Variants in NHEJ1 observed in about 807,000 individuals in gnomAD.
NHEJ1 encodes the protein non-homologous end joining factor 1, also known as non-homologous end-joining factor 1.
In NHEJ1, 22 loss-of-function variants were observed where a neutral mutation model predicts 39.4. The ratio of observed to expected loss-of-function variants is 0.56; its 90% CI spans 0.40 to 0.80. The LOEUF is 0.80. Ranked by LOEUF, NHEJ1 falls within the 30% of genes least tolerant of loss-of-function variation. The pLI is 0.00. For synonymous variants in NHEJ1, 154 were observed against 135.6 expected, an observed-to-expected ratio of 1.14 and a Z score of -0.94; for missense variants, 329 against 357.1, an observed-to-expected ratio of 0.92 and a Z score of 0.63.
At chr2:219,077,385 A>G in intron 6 of NHEJ1, 21 bp from the exon 7 acceptor site, 1 of 1,556,390 alleles carries the variant, frequency 6.4e-7, no homozygotes, top group African/African-American at 1.4e-5. Flanking sequence ...AAAGATCAAG[A>G]GAAGATAGTG....
chr2:219,155,399 T>G (rs1949843756), intron 3 of NHEJ1, among the ~76,000 whole-genome samples: 1 of 151,946 alleles, frequency 6.6e-6, no homozygotes, highest in Admixed American at 6.5e-5. Context: ...ACCCCCCATC[T>G]CTACAAAAAA....
intron 5 of NHEJ1, among the ~76,000 whole-genome samples, chr2:219,093,261 C>T (rs889050969): frequency 2.6e-5 from 4 of 151,984 alleles, no homozygotes; most frequent in Non-Finnish European, 5.9e-5. Context: ...GCAGGCAGGG[C>T]GACTAATCAA....
In NHEJ1 at chr2:219,076,204, A is replaced by G; in HGVS notation, c.*177T>C. ...TTCTCAGAGACTGGCTTCCACTTGAACAGGGAAGGCCAATTCCCTGTGGGC... is the reference window on the plus strand; with the variant it reads ...TTCTCAGAGACTGGCTTCCACTTGAGCAGGGAAGGCCAATTCCCTGTGGGC... On this transcript the variant is annotated 3_prime_UTR_variant, in exon 8 of 8. Coordinates refer to ENST00000356853, the MANE Select transcript of NHEJ1 (RefSeq NM_024782.3). 6 of 1,399,712 alleles carry G rather than the reference A, an allele frequency of 4.3e-6. No homozygotes were observed. The highest frequency in any genetic ancestry group is 5.8e-6 in the Non-Finnish European group (6 of 1,041,388). 86.7% of individuals were successfully genotyped at this position (1,399,712 alleles called of 1,614,324 possible).
chr2:219,146,460 T>C (rs1319090667), intron 5 of NHEJ1, among the ~76,000 whole-genome samples: 2 of 152,188 alleles, frequency 1.3e-5, no homozygotes, highest in Non-Finnish European at 2.9e-5. Context: ...TTTATAAATA[T>C]CAATCAGTCC....
rs144238861 is a variant in NHEJ1 at position 219,134,104 on chromosome 2, T to A, written c.588+12576A>T. On this transcript the variant is annotated intron_variant, in intron 5 of 7. Coordinates refer to ENST00000356853, the MANE Select transcript of NHEJ1 (RefSeq NM_024782.3). ...TTGTCTCCATTGCCTTATCCATTGA[T>A]CGTTCTTTAACAGCCTGCTTTCTTC... is the stretch of plus-strand genomic sequence containing the variant. Among the ~76,000 whole-genome samples the A allele has an allele frequency of 9.8e-3, 1,487 of 152,380 alleles. 20 individuals are homozygous for A. The highest frequency in any genetic ancestry group is 0.015 in the Non-Finnish European group (1,014 of 68,036).
At chr2:219,104,627 A>C (rs1248951455) in intron 5 of NHEJ1, among the ~76,000 whole-genome samples, 1 of 152,222 alleles carries the variant, frequency 6.6e-6, no homozygotes, top group East Asian at 1.9e-4. Context: ...GTGGTAGAGA[A>C]AGAGGGATAT....
At chr2:219,155,103 C>G (rs1949840663) in intron 3 of NHEJ1, among the ~76,000 whole-genome samples, 1 of 151,506 alleles carries the variant, frequency 6.6e-6, no homozygotes, top group Admixed American at 6.6e-5. Context: ...GGAGAACTGT[C>G]TCCACAATCA....
chr2:219,076,391 A>G lies in NHEJ1; in HGVS notation c.890T>C (p.Leu297Pro). ...SKVKRKKPRG[L>P]FS Reference sequence around the variant, plus strand: ...TGAGGCCACAACAGATTAACTGAAGAGACCCCTTGGCTTCTTCCTCTTGAC... The same window carrying G: ...TGAGGCCACAACAGATTAACTGAAGGGACCCCTTGGCTTCTTCCTCTTGAC... Residue 297 changes from leucine (L) to proline (P), a missense_variant, in exon 8 of 8, where the codon CTC becomes CCC. Transcript: ENST00000356853. 1 of 1,614,156 alleles carries G rather than the reference A, an allele frequency of 6.2e-7. No individual in the cohort carries two copies. The highest frequency in any genetic ancestry group is 2.2e-5 in the East Asian group (1 of 44,884).
chr2:219,151,431 AAT>A (rs1949794155), intron 3 of NHEJ1, among the ~76,000 whole-genome samples: 1 of 152,206 alleles, frequency 6.6e-6, no homozygotes, highest in African/African-American at 2.4e-5. Context: ...TGTCTAATTA[AAT>A]ATGATAATGC....
At chr2:219,130,497 CAG>C (rs1201609518) in intron 5 of NHEJ1, among the ~76,000 whole-genome samples, 5 of 19,012 alleles carry the variant, frequency 2.6e-4, no homozygotes, top group Admixed American at 2.0e-3. Context: ...TGTAAGAAAA[CAG>C]AGCGGTAAAT....
chr2:219,088,884 C>G lies in NHEJ1; in HGVS notation c.589-10678G>C, dbSNP rs914582436. On this transcript the variant is annotated intron_variant, in intron 5 of 7. Transcript: ENST00000356853. The stretch of plus-strand genomic sequence containing the variant: ...CTGGAGTGCGGTGGCGTGATCTCAG[C>G]TCACCACAAGCTCCGCCTCCCAGGT... Among the ~76,000 whole-genome samples, 7 of 152,210 alleles carry G rather than the reference C, an allele frequency of 4.6e-5. No individual in the cohort carries two copies. The East Asian group carries it at 7.7e-4, about 17-fold the overall frequency.
chr2:219,094,394 G>C lies in NHEJ1; in HGVS notation c.589-16188C>G, dbSNP rs557383125. Among the ~76,000 whole-genome samples, 10 of 152,270 alleles carry C rather than the reference G, an allele frequency of 6.6e-5. No homozygotes were observed. In the South Asian group the frequency reaches 2.1e-3, roughly 32 times the overall value. ...GTTGTGGCTGGGTGCTGGGAGAAGG[G>C]GACTGGAAAAAGAGAGAAGTACGAA... is the stretch of plus-strand genomic sequence containing the variant. On this transcript the variant is annotated intron_variant, in intron 5 of 7. Coordinates refer to ENST00000356853, the MANE Select transcript of NHEJ1 (RefSeq NM_024782.3).
intron 5 of NHEJ1, among the ~76,000 whole-genome samples, chr2:219,128,543 A>G (rs1406864337): frequency 6.6e-6 from 1 of 152,102 alleles, no homozygotes. Flanking sequence ...CACTGACTGC[A>G]TGGGGTGAAG....
Position 219,071,617 on chromosome 2 carries a change from C to G in NHEJ1, c.*4764G>C, listed in dbSNP as rs1050950731. Among the ~76,000 whole-genome samples the G allele has an allele frequency of 6.6e-6, 1 of 152,198 alleles. No homozygotes were observed. The highest frequency in any genetic ancestry group is 6.5e-5 in the Admixed American group (1 of 15,282). ...ATTCTAACTCTGCTACTGTTTTGGG[C>G]CCCAGAGTAAGGGCAGAGAGGAAGA... is the stretch of plus-strand genomic sequence containing the variant. On this transcript the variant is annotated 3_prime_UTR_variant, in exon 8 of 8. Coordinates refer to ENST00000356853, the MANE Select transcript of NHEJ1 (RefSeq NM_024782.3).
chr2:219,158,697 C>A (rs1949881733), intron 1 of NHEJ1: 1 of 364,466 alleles, frequency 2.7e-6, no homozygotes, highest in Admixed American at 4.0e-5. Context: ...GAAACCTAAA[C>A]CCTTCTTGTT....
At chr2:219,119,998 C>T (rs1949456219) in intron 5 of NHEJ1, among the ~76,000 whole-genome samples, 1 of 152,116 alleles carries the variant, frequency 6.6e-6, no homozygotes, top group South Asian at 2.1e-4. Flanking sequence ...ACTGTTTTGG[C>T]TTTCTTGGTT....
intron 5 of NHEJ1, among the ~76,000 whole-genome samples, chr2:219,080,547 A>T (rs1949052990): frequency 4.6e-5 from 6 of 130,168 alleles, no homozygotes; most frequent in Admixed American, 4.4e-4. Context: ...ATAAATAAAT[A>T]AAAATATATA....
chr2:219,148,250 C>T (rs1949761575), intron 3 of NHEJ1, among the ~76,000 whole-genome samples: 1 of 152,162 alleles, frequency 6.6e-6, no homozygotes, highest in Non-Finnish European at 1.5e-5. Context: ...CAGAGTGAGA[C>T]TCTTTCTCAA....
intron 5 of NHEJ1, among the ~76,000 whole-genome samples, chr2:219,099,741 C>T (rs187074467): frequency 4.0e-5 from 6 of 151,812 alleles, no homozygotes; most frequent in Non-Finnish European, 5.9e-5. Context: ...TGTGAGAGTG[C>T]GGCAGAAAAG....
Sources: gnomAD v4.1 joint callset for allele counts (sites outside exome capture counted in the v4.1 genomes callset) on GRCh38, gnomAD v4.1.1 for gene constraint, MANE v1.5 for transcripts, NCBI Gene and HGNC (gene_info 2026-07-23, HGNC 2026-07-21) for gene names.